Variants in IL15RA observed in about 807,000 individuals in gnomAD.
IL15RA encodes the protein interleukin 15 receptor subunit alpha, also known as interleukin-15 receptor subunit alpha.
IL15RA carries 26 observed loss-of-function variants against 24.2 expected under a neutral mutation model. That is an observed-to-expected ratio of 1.07 (90% CI 0.79 to 1.49). The LOEUF (loss-of-function observed/expected upper bound fraction) is 1.49, where lower values mean the gene tolerates loss of function less well. IL15RA is among the 40% of genes most tolerant of loss of function. The pLI is 0.00. For missense variants in IL15RA, 354 were observed against 356.4 expected (o/e 0.99, Z 0.05); for synonymous variants, 166 against 157.6 (o/e 1.05, Z -0.40).
chr10:5,956,262 G>C lies in IL15RA; in HGVS notation c.692+117C>G, dbSNP rs887690082. On this transcript the variant is annotated intron_variant, in intron 6 of 6. Coordinates refer to ENST00000379977, the MANE Select transcript of IL15RA (RefSeq NM_002189.4). ...ACTCCTGACCTCAAGTGATCTGCCC[G>C]CCTTGGCCTCCCAAAGTGCTGGAAT... is the stretch of plus-strand genomic sequence containing the variant. 17 of 750,318 alleles carry C rather than the reference G, an allele frequency of 2.3e-5. No homozygotes were observed. The East Asian group carries it at 4.6e-4, about 20-fold the overall frequency. The allele number at this position is 750,318 out of a possible 1,614,324, so 46.5% of individuals were successfully genotyped here.
rs1253833271 is a variant in IL15RA, at chr10:5,965,959, G to A, written c.283+186C>T. 6.6e-6 allele frequency among the ~76,000 whole-genome samples: 1 copy of A among 152,114 alleles called. No individual in the cohort carries two copies. The highest frequency in any genetic ancestry group is 1.9e-4 in the East Asian group (1 of 5,182). ...TGATCTGGAACTCCTGACTTCAAGT[G>A]ATCCTCCCGCCTCGGCCTCCCAAAG... On this transcript the variant is annotated intron_variant, in intron 2 of 6. Transcript: ENST00000379977. The surrounding 1 kb of genome is among the most constrained non-coding windows in gnomAD (Gnocchi z 5.8).
downstream of IL15RA, among the ~76,000 whole-genome samples, chr10:5,951,021 G>C (rs3750663): frequency 1.2e-4 from 18 of 151,856 alleles, no homozygotes; most frequent in East Asian, 2.7e-3. Context: ...GGCACCTGTA[G>C]TCCCAGCTAC....
At chr10:5,949,017 G>A (rs1249426744), downstream of IL15RA, 9 of 330,776 alleles carry the variant, frequency 2.7e-5, no homozygotes, top group Non-Finnish European at 3.7e-5. The surrounding 1 kb of genome is among the most constrained non-coding windows in gnomAD (Gnocchi z 4.4). Flanking sequence ...GTAAAATGGC[G>A]CTGAGATGAG....
At position 5,976,179 on chromosome 10, in the gene IL15RA, C is replaced by T. The variant is rs1010358333; in HGVS notation, c.88+1226G>A. On this transcript the variant is annotated intron_variant, in intron 1 of 6. Coordinates refer to ENST00000379977, the MANE Select transcript of IL15RA (RefSeq NM_002189.4). ...TGCTAGCCAACTGGGAGGAACCAAC[C>T]GGTCACCAACTAACTCTGCTTCTCA... is the stretch of plus-strand genomic sequence containing the variant. Among the ~76,000 whole-genome samples the T allele has an allele frequency of 1.3e-5, 2 of 151,902 alleles. 1 individual carries two copies. The highest frequency in any genetic ancestry group is 3.9e-4 in the East Asian group (2 of 5,170).
In IL15RA at chr10:5,959,884, C is replaced by T; in HGVS notation, c.584-98G>A. On this transcript the variant is annotated intron_variant, in intron 4 of 6. Transcript: ENST00000379977. This position sits in a 1 kb window ranked among gnomAD's most constrained non-coding sequence, Gnocchi z 4.1. ...CTGCATGGCTTGGCTCCCATCTTAG[C>T]ACCCTGGGAGACTCGTGGCTGGCGT... 1 of 1,165,440 alleles carries T rather than the reference C, an allele frequency of 8.6e-7. No individual in the cohort carries two copies. The highest frequency in any genetic ancestry group is 1.3e-6 in the Non-Finnish European group (1 of 785,572). 72.2% of individuals were successfully genotyped at this position (1,165,440 alleles called of 1,614,324 possible). A position where few individuals can be genotyped will look rare whatever the true frequency, so the allele number is the denominator to read the frequency against.
Position 5,968,394 on chromosome 10 carries a change from A to G in IL15RA, c.89-2055T>C, listed in dbSNP as rs1431800212. On this transcript the variant is annotated intron_variant, in intron 1 of 6. Coordinates refer to ENST00000379977, the MANE Select transcript of IL15RA (RefSeq NM_002189.4). The surrounding 1 kb of genome is among the most constrained non-coding windows in gnomAD (Gnocchi z 5.4). Reference sequence around the variant, plus strand: ...AAATTCAAGATTGTTCTTTCCATTCAACTCCCATCCCAAAGCCTTCTCCTC... The same window carrying G: ...AAATTCAAGATTGTTCTTTCCATTCGACTCCCATCCCAAAGCCTTCTCCTC... Among the ~76,000 whole-genome samples, 1 of 152,070 alleles carries G rather than the reference A, an allele frequency of 6.6e-6. No homozygotes were observed. The highest frequency in any genetic ancestry group is 2.4e-5 in the African/African-American group (1 of 41,390).
intron 1 of IL15RA, among the ~76,000 whole-genome samples, chr10:5,969,350 T>A (rs948999715): frequency 1.9e-4 from 19 of 98,460 alleles, no homozygotes; most frequent in Middle Eastern, 4.4e-3. Context: ...TTAAATTAAA[T>A]TTTTTAAATT....
At position 5,952,507 on chromosome 10, in the gene IL15RA, ACT is replaced by A. The variant is rs1833957457; in HGVS notation, c.*586_*587del. ...TAAACGCATATATTCGTAAAATGGCACTGAGTTGAGTTTTCTTCTTCCTGAAT... is the reference window on the plus strand; with the variant it reads ...TAAACGCATATATTCGTAAAATGGCAGAGTTGAGTTTTCTTCTTCCTGAAT... On this transcript the variant is annotated 3_prime_UTR_variant, in exon 7 of 7. Coordinates refer to ENST00000379977, the MANE Select transcript of IL15RA (RefSeq NM_002189.4). 6.5e-6 allele frequency: 1 copy of A among 153,902 alleles called. No individual in the cohort carries two copies. Among genetic ancestry groups the A allele is most frequent in the African/African-American group, 2.4e-5 (1 of 41,472 alleles). 9.5% of individuals were successfully genotyped at this position (153,902 alleles called of 1,614,324 possible).
At position 5,955,318 on chromosome 10, in the gene IL15RA, C is replaced by T. The variant is rs8177731; in HGVS notation, c.692+1061G>A. Reference sequence around the variant, plus strand: ...TTCTCCATGTTGGTCAGGCTGGTCTCGAACTCCTGACCTCACGCGATCTGC... The same window carrying T: ...TTCTCCATGTTGGTCAGGCTGGTCTTGAACTCCTGACCTCACGCGATCTGC... On this transcript the variant is annotated intron_variant, in intron 6 of 6. Transcript: ENST00000379977. This position sits in a 1 kb window ranked among gnomAD's most constrained non-coding sequence, Gnocchi z 5.3. Among the ~76,000 whole-genome samples, 5 of 152,076 alleles carry T rather than the reference C, an allele frequency of 3.3e-5. No homozygotes were observed. Among genetic ancestry groups the T allele is most frequent in the Admixed American group, 1.3e-4 (2 of 15,264 alleles).
Position 5,959,687 on chromosome 10 carries a change from A to G in IL15RA, c.616+67T>C, listed in dbSNP as rs1835162755. The G allele has an allele frequency of 1.4e-6, 2 of 1,467,356 alleles. No individual in the cohort carries two copies. The highest frequency in any genetic ancestry group is 1.9e-6 in the Non-Finnish European group (2 of 1,048,718). The allele number at this position is 1,467,356 out of a possible 1,614,324, so 90.9% of individuals were successfully genotyped here. On this transcript the variant is annotated intron_variant, in intron 5 of 6. Coordinates refer to ENST00000379977, the MANE Select transcript of IL15RA (RefSeq NM_002189.4). The surrounding 1 kb of genome is among the most constrained non-coding windows in gnomAD (Gnocchi z 4.1). ...GCTGGGGCAGCGGGCCTGGGCCAGG[A>G]CCACCCAGCACCCTGGGACTGCGGT...
At chr10:5,954,168 C>CT (rs750550552) in intron 6 of IL15RA, among the ~76,000 whole-genome samples, 12,426 of 105,192 alleles carry the variant, frequency 0.12, 798 homozygotes, top group South Asian at 0.2. Context: ...ACCAATTCTT[C>CT]TTTTTTTTTT....
rs1412499071 is a variant in IL15RA at position 5,968,435 on chromosome 10, G to T, written c.89-2096C>A. On this transcript the variant is annotated intron_variant, in intron 1 of 6. Coordinates refer to ENST00000379977, the MANE Select transcript of IL15RA (RefSeq NM_002189.4). The surrounding 1 kb of genome is among the most constrained non-coding windows in gnomAD (Gnocchi z 5.4). Reference sequence around the variant, plus strand: ...CCTTCTCCTCTGTCACAGGGGCAGCGCTCTGCTCACTTCCTGTCTCAGGCA... The same window carrying T: ...CCTTCTCCTCTGTCACAGGGGCAGCTCTCTGCTCACTTCCTGTCTCAGGCA... Among the ~76,000 whole-genome samples, 1 of 152,164 alleles carries T rather than the reference G, an allele frequency of 6.6e-6. No individual in the cohort carries two copies. Among genetic ancestry groups the T allele is most frequent in the Non-Finnish European group, 1.5e-5 (1 of 68,044 alleles).
rs1481749223 is a variant in IL15RA at position 5,973,143 on chromosome 10, C to T, written c.88+4262G>A. ...TCTAAGAAGTCAGTGACCTTCTACCCAACATAATGGACGCCCCTGCACATC... is the reference window on the plus strand; with the variant it reads ...TCTAAGAAGTCAGTGACCTTCTACCTAACATAATGGACGCCCCTGCACATC... On this transcript the variant is annotated intron_variant, in intron 1 of 6. Coordinates refer to ENST00000379977, the MANE Select transcript of IL15RA (RefSeq NM_002189.4). The surrounding 1 kb of genome is among the most constrained non-coding windows in gnomAD (Gnocchi z 4.5). 2.0e-5 allele frequency among the ~76,000 whole-genome samples: 3 copies of T among 152,176 alleles called. No homozygotes were observed. Among genetic ancestry groups the T allele is most frequent in the Non-Finnish European group, 4.4e-5 (3 of 68,036 alleles).
At chr10:5,976,215 G>A (rs41294205) in intron 1 of IL15RA, among the ~76,000 whole-genome samples, 1 of 138,336 alleles carries the variant, frequency 7.2e-6, no homozygotes, top group Non-Finnish European at 1.5e-5. Flanking sequence ...GATGTGGGGG[G>A]AAATCCAAGC....
chr10:5,957,335 G>C (rs576664565), intron 5 of IL15RA, among the ~76,000 whole-genome samples: 1 of 152,052 alleles, frequency 6.6e-6, no homozygotes, highest in South Asian at 2.1e-4. Context: ...GAGTGCAGTG[G>C]CGTGATCTCA....
chr10:5,954,168 CTT>C (rs750550552), intron 6 of IL15RA, among the ~76,000 whole-genome samples: 6 of 105,220 alleles, frequency 5.7e-5, no homozygotes, highest in East Asian at 2.4e-4. Flanking sequence ...ACCAATTCTT[CTT>C]TTTTTTTTTT....
rs1034605353 is a variant in IL15RA, at chr10:5,969,807, G to A, written c.89-3468C>T. On this transcript the variant is annotated intron_variant, in intron 1 of 6. Transcript: ENST00000379977. The stretch of plus-strand genomic sequence containing the variant: ...AGTCTTCTTAAAAACCCATCAACAC[G>A]GTATCTCTCTTGATTTATTTAAGAA... 2.0e-5 allele frequency among the ~76,000 whole-genome samples: 3 copies of A among 152,128 alleles called. No individual in the cohort carries two copies. In the East Asian group the frequency reaches 5.8e-4, roughly 29 times the overall value.
At position 5,971,958 on chromosome 10, in the gene IL15RA, G is replaced by A. The variant is rs527831291; in HGVS notation, c.88+5447C>T. The stretch of plus-strand genomic sequence containing the variant: ...AGAGTTGAGGGCTACAGGTTGAAGA[G>A]CAAATGAAAGGAAAGTAATGAAATA... On this transcript the variant is annotated intron_variant, in intron 1 of 6. Coordinates refer to ENST00000379977, the MANE Select transcript of IL15RA (RefSeq NM_002189.4). This position sits in a 1 kb window ranked among gnomAD's most constrained non-coding sequence, Gnocchi z 5.5. Among the ~76,000 whole-genome samples the A allele has an allele frequency of 2.0e-5, 3 of 152,298 alleles. No homozygotes were observed. The highest frequency in any genetic ancestry group is 4.8e-5 in the African/African-American group (2 of 41,574).
chr10:5,976,347 C>A (rs891548594), intron 1 of IL15RA, among the ~76,000 whole-genome samples: 2 of 152,200 alleles, frequency 1.3e-5, no homozygotes, highest in Non-Finnish European at 2.9e-5. Context: ...ATGGCTTTGG[C>A]CAGGGCCTGG....
Sources: allele counts gnomAD v4.1 joint callset (sites outside exome capture counted in the v4.1 genomes callset), GRCh38; gene constraint gnomAD v4.1.1; non-coding constraint Gnocchi (gnomAD v3.1); transcripts MANE v1.5; gene names NCBI Gene and HGNC (gene_info 2026-07-23, HGNC 2026-07-21).